PRKG1: variants seen among roughly 807,000 people sequenced by gnomAD.
The protein encoded by PRKG1 is cGMP-dependent protein kinase 1.
A neutral mutation model predicts 88.1 loss-of-function variants in PRKG1; 35 were observed. The observed-to-expected ratio is 0.40, with a 90% CI of 0.30 to 0.53. PRKG1 has a LOEUF of 0.53. Among genes scored for constraint, PRKG1 ranks in the 20% least tolerant of loss-of-function variants. The pLI is 0.59. For synonymous variants in PRKG1, 303 were observed against 292.5 expected, an observed-to-expected ratio of 1.04 and a Z score of -0.37; for missense variants, 540 against 839.8, an observed-to-expected ratio of 0.64 and a Z score of 4.41.
chr10:52,280,718 GAA>G (rs144482504), intron 12 of PRKG1, 69 bp from the exon 13 acceptor site: 54 of 1,390,692 alleles, frequency 3.9e-5, no homozygotes, highest in Non-Finnish European at 4.9e-5. Flanking sequence ...AGTGAAATGA[GAA>G]AAAAAAAATA....
rs1838370566 is a variant in PRKG1 at position 51,773,947 on chromosome 10, T to G, written c.593-30638T>G. On this transcript the variant is annotated intron_variant, in intron 3 of 17. Transcript: ENST00000373980. ...CCCAGTTAAAGAATTTCTATATTAGTAAGTGGAATATGGGAGAAAAACAAC... is the reference window on the plus strand; with the variant it reads ...CCCAGTTAAAGAATTTCTATATTAGGAAGTGGAATATGGGAGAAAAACAAC... 2.6e-5 allele frequency among the ~76,000 whole-genome samples: 4 copies of G among 152,074 alleles called. No homozygotes were observed. The South Asian group carries it at 8.3e-4, about 31-fold the overall frequency.
intron 2 of PRKG1, among the ~76,000 whole-genome samples, chr10:51,215,593 CA>C (rs998240839): frequency 3.9e-5 from 6 of 152,108 alleles, no homozygotes; most frequent in African/African-American, 1.4e-4. Flanking sequence ...AGAATGCTGG[CA>C]TTTGTTTATT....
intron 5 of PRKG1, among the ~76,000 whole-genome samples, chr10:52,020,516 T>C (rs1377547584): frequency 6.6e-6 from 1 of 152,064 alleles, no homozygotes; most frequent in Non-Finnish European, 1.5e-5. Context: ...GGAGTGGAAG[T>C]TTATTTAAAA....
intron 5 of PRKG1, among the ~76,000 whole-genome samples, chr10:51,942,233 G>C (rs1427390803): frequency 2.0e-5 from 3 of 151,828 alleles, no homozygotes; most frequent in Non-Finnish European, 4.4e-5. Context: ...CGTGTTTTTT[G>C]GCTGCATAAA....
chr10:51,064,827 AT>A (rs1455762923), intron 1 of PRKG1, among the ~76,000 whole-genome samples: 1 of 152,034 alleles, frequency 6.6e-6, no homozygotes, highest in Non-Finnish European at 1.5e-5. Flanking sequence ...TATTCAATTG[AT>A]TGTGATGTTA....
intron 2 of PRKG1, among the ~76,000 whole-genome samples, chr10:51,439,620 T>C (rs1192741034): frequency 1.3e-5 from 2 of 151,906 alleles, no homozygotes; most frequent in Non-Finnish European, 2.9e-5. Context: ...GAAGTAGCAT[T>C]ACTAACGTTT....
At position 51,669,708 on chromosome 10, in the gene PRKG1, C is replaced by G. The variant is rs189031708; in HGVS notation, c.593-134877C>G. ...TTTTGCCCCCAGTTAACTTTTGTTA[C>G]TTACTTCTACTTAAGTCGTGGTCAC... On this transcript the variant is annotated intron_variant, in intron 3 of 17. Coordinates refer to ENST00000373980, the MANE Select transcript of PRKG1 (RefSeq NM_006258.4). Among the ~76,000 whole-genome samples, 547 of 152,240 alleles carry G rather than the reference C, an allele frequency of 3.6e-3. 3 individuals are homozygous for G. Among genetic ancestry groups the G allele is most frequent in the African/African-American group, 0.013 (525 of 41,540 alleles).
intron 2 of PRKG1, among the ~76,000 whole-genome samples, chr10:51,421,212 C>T (rs1838408430): frequency 6.6e-6 from 1 of 152,072 alleles, no homozygotes; most frequent in African/African-American, 2.4e-5. Context: ...TGTTCTGTCA[C>T]CCAGGTTGGA....
At chr10:51,629,765 C>G (rs913389026) in intron 3 of PRKG1, among the ~76,000 whole-genome samples, 1 of 152,198 alleles carries the variant, frequency 6.6e-6, no homozygotes, top group East Asian at 1.9e-4. Context: ...ACAAGTGGGT[C>G]GCGGATCCAT....
At chr10:51,592,227 T>C (rs572772023) in intron 3 of PRKG1, among the ~76,000 whole-genome samples, 10 of 152,314 alleles carry the variant, frequency 6.6e-5, no homozygotes, top group African/African-American at 2.4e-4. Context: ...TCAGAACTGC[T>C]GAAAAGATTG....
At chr10:51,274,322 A>ATATC (rs1840059081) in intron 2 of PRKG1, among the ~76,000 whole-genome samples, 1 of 152,162 alleles carries the variant, frequency 6.6e-6, no homozygotes, top group South Asian at 2.1e-4. Context: ...AACTTGTTAT[A>ATATC]TATCACCTTA....
intron 2 of PRKG1, among the ~76,000 whole-genome samples, chr10:51,381,969 G>A (rs536793582): frequency 2.0e-5 from 3 of 152,102 alleles, no homozygotes; most frequent in Non-Finnish European, 4.4e-5. Context: ...TAAAGCATAT[G>A]GTCAGGGATA....
intron 1 of PRKG1, among the ~76,000 whole-genome samples, chr10:51,099,564 A>G (rs1844626863): frequency 6.6e-6 from 1 of 152,150 alleles, no homozygotes; most frequent in African/African-American, 2.4e-5. Flanking sequence ...AACTTGAAAT[A>G]CTTGACCTGA....
In PRKG1 at chr10:51,461,035, A is replaced by G. The variant is rs140438149; in HGVS notation, c.479-6688A>G. Among the ~76,000 whole-genome samples, 531 of 152,276 alleles carry G rather than the reference A, an allele frequency of 3.5e-3. 1 individual carries two copies. The highest frequency in any genetic ancestry group is 0.012 in the African/African-American group (491 of 41,552). On this transcript the variant is annotated intron_variant, in intron 2 of 17. Transcript: ENST00000373980. ...ATAAATGAGATTTTTAGTTTTGGAT[A>G]GCTTATTTATGTTTTTGATTCACAA...
intron 5 of PRKG1, among the ~76,000 whole-genome samples, chr10:52,048,424 A>G (rs1444731523): frequency 1.3e-5 from 2 of 152,148 alleles, no homozygotes; most frequent in African/African-American, 4.8e-5. Context: ...CTGAAAATGA[A>G]ATTGCTAGTT....
At chr10:51,670,746 AAATAAATAAATAAATAAAT>A (rs1840548280) in intron 3 of PRKG1, among the ~76,000 whole-genome samples, 2 of 95,858 alleles carry the variant, frequency 2.1e-5, no homozygotes, top group Non-Finnish European at 4.4e-5. Context: ...AAAAAAAAAT[AAATAAATAAATAAATAAAT>A]AAATAAATAA....
At chr10:52,245,461 A>G (rs1186433911) in intron 9 of PRKG1, among the ~76,000 whole-genome samples, 2 of 152,152 alleles carry the variant, frequency 1.3e-5, no homozygotes, top group East Asian at 3.9e-4. Context: ...AACACAAGTG[A>G]TGAGCTTTTG....
chr10:51,132,790 T>C (rs1434126468), intron 1 of PRKG1, among the ~76,000 whole-genome samples: 1 of 150,446 alleles, frequency 6.6e-6, no homozygotes, highest in Non-Finnish European at 1.5e-5. Flanking sequence ...GTAAAATAGC[T>C]AAGTAAATTT....
intron 2 of PRKG1, among the ~76,000 whole-genome samples, chr10:51,294,033 T>C (rs1840652741): frequency 6.6e-6 from 1 of 152,154 alleles, no homozygotes; most frequent in South Asian, 2.1e-4. Context: ...TTGAGAACTG[T>C]CTATTCATAC....
Sources: gnomAD v4.1 joint callset for allele counts (sites outside exome capture counted in the v4.1 genomes callset) on GRCh38, gnomAD v4.1.1 for gene constraint, MANE v1.5 for transcripts, NCBI Gene and HGNC (gene_info 2026-07-23, HGNC 2026-07-21) for gene names.